The following EVL variants were observed in gnomAD, a reference collection of about 807,000 sequenced individuals.
EVL encodes Enah/Vasp-like, also known as ena/VASP-like protein.
A neutral mutation model predicts 59.6 loss-of-function variants in EVL; 21 were observed. The ratio of observed to expected loss-of-function variants is 0.35; its 90% CI spans 0.25 to 0.51. The LOEUF (loss-of-function observed/expected upper bound fraction) is 0.51, where lower values mean the gene tolerates loss of function less well. Among genes scored for constraint, EVL ranks in the 20% least tolerant of loss-of-function variants. The pLI is 0.97. For synonymous variants in EVL, 198 were observed against 203.5 expected, an observed-to-expected ratio of 0.97 and a Z score of 0.23; for missense variants, 462 against 546.6, an observed-to-expected ratio of 0.85 and a Z score of 1.54.
chr14:99,984,812 C>A (rs766172299), intron 1 of EVL, among the ~76,000 whole-genome samples: 1 of 152,076 alleles, frequency 6.6e-6, no homozygotes, highest in Non-Finnish European at 1.5e-5. Context: ...GACTGAGTTG[C>A]ACCATGTTGG....
intron 2 of EVL, 64 bp from the exon 3 acceptor site, chr14:100,097,417 A>C (rs867349228): frequency 4.1e-6 from 6 of 1,449,914 alleles, no homozygotes; most frequent in Middle Eastern, 3.7e-4. Context: ...GCTCCATCGC[A>C]GCGCCCTCGA....
At chr14:99,975,212 T>C (rs2060762181) in intron 1 of EVL, 1 of 152,266 alleles carries the variant, frequency 6.6e-6, no homozygotes, top group Non-Finnish European at 1.5e-5. Context: ...ATGACTTAGT[T>C]TCTGTTGAGA....
chr14:100,065,439 A>G lies in EVL; in HGVS notation c.-62A>G. The G allele has an allele frequency of 7.2e-7, 1 of 1,385,350 alleles. No individual in the cohort carries two copies. Among genetic ancestry groups the G allele is most frequent in the Non-Finnish European group, 9.5e-7 (1 of 1,052,880 alleles). 85.8% of individuals were successfully genotyped at this position (1,385,350 alleles called of 1,614,324 possible). The stretch of plus-strand genomic sequence containing the variant: ...GAGGGTCTGTGGTCCTCTGATCAAC[A>G]TAGGCTGGTGGGAGTACAGGACTCG... On this transcript the variant is annotated 5_prime_UTR_variant, in exon 1 of 14. Transcript: ENST00000392920.
chr14:100,020,245 G>A (rs534117817), intron 1 of EVL, among the ~76,000 whole-genome samples: 15 of 152,180 alleles, frequency 9.9e-5, no homozygotes, highest in East Asian at 5.8e-4. Context: ...CTTTGCTTTC[G>A]TATGCTTTTC....
chr14:100,020,821 G>A (rs1423262906), intron 1 of EVL, among the ~76,000 whole-genome samples: 1 of 152,212 alleles, frequency 6.6e-6, no homozygotes, highest in East Asian at 1.9e-4. Context: ...TTGGATTCAG[G>A]AAGTTATCCT....
chr14:100,031,044 A>G (rs1370508014), intron 1 of EVL, among the ~76,000 whole-genome samples: 2 of 152,162 alleles, frequency 1.3e-5, no homozygotes, highest in East Asian at 1.9e-4. Context: ...GCACCCTTCC[A>G]ACAATTGTAG....
chr14:100,138,002 C>T, intron 11 of EVL, 200 bp downstream of exon 11: 3 of 613,792 alleles, frequency 4.9e-6, no homozygotes, highest in South Asian at 2.0e-5. Context: ...GAGAGAGAGA[C>T]CAAGGGCAAG....
rs923868249 is a variant in EVL, at chr14:100,106,977, G to A, written c.358+9319G>A. Reference sequence around the variant, plus strand: ...TGGTGGGAGCAGCTTGGTCTAGCAGGAAGAGTGCATGTCCTGGAGCCGGGC... The same window carrying A: ...TGGTGGGAGCAGCTTGGTCTAGCAGAAAGAGTGCATGTCCTGGAGCCGGGC... On this transcript the variant is annotated intron_variant, in intron 3 of 13. Transcript: ENST00000392920. 10 of 398,588 alleles carry A rather than the reference G, an allele frequency of 2.5e-5. No individual in the cohort carries two copies. The Admixed American group carries it at 4.4e-4, about 18-fold the overall frequency. The allele number at this position is 398,588 out of a possible 1,614,324, so 24.7% of individuals were successfully genotyped here.
At chr14:100,044,595 C>G (rs1229322042) in intron 1 of EVL, among the ~76,000 whole-genome samples, 3 of 152,124 alleles carry the variant, frequency 2.0e-5, no homozygotes, top group East Asian at 1.9e-4. Context: ...GGAAATAGAC[C>G]ATTGTAATTA....
chr14:100,128,825 C>T, intron 6 of EVL, 77 bp downstream of exon 6: 1 of 1,306,170 alleles, frequency 7.7e-7, no homozygotes, highest in Non-Finnish European at 1.1e-6. Context: ...TGTGTTCCTT[C>T]CCGCATCTGC....
At chr14:99,982,136 A>AC (rs2060811175) in intron 1 of EVL, among the ~76,000 whole-genome samples, 1 of 152,206 alleles carries the variant, frequency 6.6e-6, no homozygotes, top group Non-Finnish European at 1.5e-5. Context: ...TTTACAGATA[A>AC]CCACATCAAA....
chr14:100,053,302 C>T (rs8016721), intron 1 of EVL, among the ~76,000 whole-genome samples: 8,973 of 151,998 alleles, frequency 0.059, 440 homozygotes, highest in East Asian at 0.18. Flanking sequence ...CTCATTTCGC[C>T]TTCTAATGGA....
intron 2 of EVL, 116 bp from the exon 3 acceptor site, chr14:100,097,365 C>A (rs538754203): frequency 3.4e-6 from 3 of 882,984 alleles, no homozygotes; most frequent in African/African-American, 3.4e-5. Flanking sequence ...TTCTTCAAAC[C>A]CCATCCCCAT....
chr14:100,021,639 T>C lies in EVL; in HGVS notation c.5+49582T>C, dbSNP rs569452064. 1.3e-3 allele frequency among the ~76,000 whole-genome samples: 197 copies of C among 152,320 alleles called. 2 individuals carry two copies. Among genetic ancestry groups the C allele is most frequent in the Middle Eastern group, 6.8e-3 (2 of 294 alleles). ...GAAAGCTCATTAAAACTCAGATTGCTGGACCCCACTCCCAGAATTTCTCAT... is the reference window on the plus strand; with the variant it reads ...GAAAGCTCATTAAAACTCAGATTGCCGGACCCCACTCCCAGAATTTCTCAT... On this transcript the variant is annotated intron_variant, in intron 1 of 13. Coordinates refer to the EVL transcript ENST00000402714.
intron 3 of EVL, chr14:100,102,475 G>A (rs774585288): frequency 1.6e-5 from 7 of 427,186 alleles, no homozygotes; most frequent in Admixed American, 9.9e-5. Context: ...ATTGTTATTC[G>A]TGTTTGTCAT....
intron 1 of EVL, among the ~76,000 whole-genome samples, chr14:100,067,109 G>T (rs192927110): frequency 1.2e-3 from 190 of 152,220 alleles, no homozygotes; most frequent in African/African-American, 3.9e-3. Context: ...TTTCTGGTGC[G>T]TCCCTCCCCC....
At chr14:100,102,493 A>G (rs922842227) in intron 3 of EVL, 1 of 399,158 alleles carries the variant, frequency 2.5e-6, no homozygotes, top group Non-Finnish European at 5.1e-6. Context: ...CATTCCTTGG[A>G]CCTTTCCTTC....
At chr14:100,100,908 G>A (rs1260573670) in intron 3 of EVL, among the ~76,000 whole-genome samples, 2 of 151,906 alleles carry the variant, frequency 1.3e-5, no homozygotes, top group Admixed American at 1.3e-4. Flanking sequence ...TTTTAAACAT[G>A]TTGGTTGTCC....
At chr14:100,069,671 G>A (rs922670824) in intron 1 of EVL, among the ~76,000 whole-genome samples, 5 of 152,176 alleles carry the variant, frequency 3.3e-5, no homozygotes, top group Non-Finnish European at 7.3e-5. Flanking sequence ...TGTGCCTCTA[G>A]TTGAGAAACA....
Sources: gnomAD v4.1 joint callset for allele counts (sites outside exome capture counted in the v4.1 genomes callset) on GRCh38, gnomAD v4.1.1 for gene constraint, MANE v1.5 for transcripts, NCBI Gene and HGNC (gene_info 2026-07-23, HGNC 2026-07-21) for gene names.